DIP2B: variants seen among roughly 807,000 people sequenced by gnomAD.
The protein encoded by DIP2B is disco-interacting protein 2 homolog B.
In DIP2B, 76 loss-of-function variants were observed where a neutral mutation model predicts 198.0. That is an observed-to-expected ratio of 0.38 (90% confidence interval 0.32 to 0.46). The LOEUF is 0.46. DIP2B is among the 20% of genes least tolerant of loss of function. DIP2B has a pLI of 0.99. For missense variants in DIP2B, 1,559 were observed against 1,978.4 expected, an observed-to-expected ratio of 0.79 and a Z score of 4.02; for synonymous variants, 701 against 739.1, an observed-to-expected ratio of 0.95 and a Z score of 0.84.
At chr12:50,737,876 C>A (rs1370153597) in intron 35 of DIP2B, among the ~76,000 whole-genome samples, 1 of 152,144 alleles carries the variant, frequency 6.6e-6, no homozygotes, top group Non-Finnish European at 1.5e-5. Context: ...GCATGAGCCC[C>A]CATGCCCAGC....
At chr12:50,518,489 G>A (rs1565810353) in intron 1 of DIP2B, among the ~76,000 whole-genome samples, 1 of 152,222 alleles carries the variant, frequency 6.6e-6, no homozygotes, top group East Asian at 1.9e-4. Context: ...GATTACAGGC[G>A]TGAGCCACAA....
Position 50,695,893 on chromosome 12 carries a change from T to C in DIP2B, c.1859T>C (p.Met620Thr). The change falls in exon 16 of 38, where the codon ATG becomes ACG. Residue 620 changes from methionine (M) to threonine (T), a missense_variant. Physicochemically the swap from Met to Thr is moderately conservative, Grantham distance 81 (BLOSUM62 -1). Transcript: ENST00000301180. The stretch of plus-strand genomic sequence containing the variant: ...TGTCGGGACTTGCACTGGGCTATGA[T>C]GGCACATCGGGACCAAAGAGACGTG... ...VKCRDLHWAM[M>T]AHRDQRDVSL... 6.2e-7 allele frequency: 1 copy of C among 1,614,168 alleles called. No homozygotes were observed. Among genetic ancestry groups the C allele is most frequent in the Non-Finnish European group, 8.5e-7 (1 of 1,179,980 alleles).
intron 1 of DIP2B, among the ~76,000 whole-genome samples, chr12:50,532,708 G>T (rs1958229286): frequency 6.6e-6 from 1 of 152,130 alleles, no homozygotes. Context: ...GAGACAAGAG[G>T]TCTCTAGTCT....
intron 1 of DIP2B, among the ~76,000 whole-genome samples, chr12:50,533,729 C>T (rs960869970): frequency 6.6e-6 from 1 of 152,028 alleles, no homozygotes; most frequent in Non-Finnish European, 1.5e-5. Context: ...CCGCCTCAGC[C>T]TCCCAAGTGG....
chr12:50,744,994 GGAAAGGGGAATTCT>G lies in DIP2B; in HGVS notation c.*157_*170del. On this transcript the variant is annotated 3_prime_UTR_variant, in exon 38 of 38. Transcript: ENST00000301180. Reference sequence around the variant, plus strand: ...TGGGATTCTGCAATCATAAAACACAGGAAAGGGGAATTCTGTGATGGCAAATGAAAAAAATGTTA... The same window carrying G: ...TGGGATTCTGCAATCATAAAACACAGGTGATGGCAAATGAAAAAAATGTTA... 1 of 950,550 alleles carries G rather than the reference GGAAAGGGGAATTCT, an allele frequency of 1.1e-6. No individual in the cohort carries two copies. Among genetic ancestry groups the G allele is most frequent in the South Asian group, 1.8e-5 (1 of 56,228 alleles). 58.9% of individuals were successfully genotyped at this position (950,550 alleles called of 1,614,324 possible).
chr12:50,739,382 G>C (rs762521539), intron 35 of DIP2B, 27 bp from the exon 36 acceptor site: 1 of 1,596,084 alleles, frequency 6.3e-7, no homozygotes, highest in Non-Finnish European at 8.6e-7. Flanking sequence ...TCCCCAGTGA[G>C]TTGTGATCAA....
intron 3 of DIP2B, among the ~76,000 whole-genome samples, chr12:50,643,346 A>G (rs895200150): frequency 2.0e-5 from 3 of 148,790 alleles, no homozygotes; most frequent in African/African-American, 7.4e-5. Context: ...ATTGTTGGTT[A>G]GGTGCAGGTA....
At position 50,739,891 on chromosome 12, in the gene DIP2B, G is replaced by A. The variant is rs115126939; in HGVS notation, c.4354+305G>A. On this transcript the variant is annotated intron_variant, in intron 36 of 37. Coordinates refer to ENST00000301180, the MANE Select transcript of DIP2B (RefSeq NM_173602.3). ...GTCCCTGCAGGGCTGATTCACATCC[G>A]GGACAAGCATTACATCTTATAGCTC... 6.6e-3 allele frequency among the ~76,000 whole-genome samples: 1,005 copies of A among 152,308 alleles called. 11 individuals are homozygous for A. The highest frequency in any genetic ancestry group is 0.022 in the African/African-American group (924 of 41,570).
chr12:50,574,358 T>C (rs1164211932), intron 1 of DIP2B, among the ~76,000 whole-genome samples: 1 of 152,202 alleles, frequency 6.6e-6, no homozygotes, highest in Admixed American at 6.5e-5. Context: ...AGGGCCATAA[T>C]ATTGCTTTTA....
At position 50,695,948 on chromosome 12, in the gene DIP2B, G is replaced by A. The variant is rs750961015; in HGVS notation, c.1914G>A (p.Val638=). Residue 638 remains valine (V), a synonymous_variant, in exon 16 of 38, where the codon GTG becomes GTA. Transcript: ENST00000301180. The part of the protein sequence containing the change: ...VSLSSLRMLI[V]TDGANPWSVS... Reference sequence around the variant, plus strand: ...TGAGTTCCCTCCGAATGTTAATTGTGACTGATGGAGCTAACCCCTGTGAGT... The same window carrying A: ...TGAGTTCCCTCCGAATGTTAATTGTAACTGATGGAGCTAACCCCTGTGAGT... 3.1e-6 allele frequency: 5 copies of A among 1,614,084 alleles called. No individual in the cohort carries two copies. In the South Asian group the frequency reaches 5.5e-5, roughly 18 times the overall value.
intron 10 of DIP2B, 37 bp downstream of exon 10, chr12:50,683,285 G>A (rs775392715): frequency 3.3e-6 from 5 of 1,537,322 alleles, no homozygotes; most frequent in Admixed American, 3.6e-5. Context: ...GTAGCCTGAT[G>A]TGACATGGCA....
chr12:50,608,913 G>A (rs1389420066), intron 1 of DIP2B, among the ~76,000 whole-genome samples: 3 of 151,982 alleles, frequency 2.0e-5, no homozygotes, highest in Non-Finnish European at 2.9e-5. Flanking sequence ...AGGCTGAGAC[G>A]GGTGGATCAC....
intron 1 of DIP2B, among the ~76,000 whole-genome samples, chr12:50,565,891 T>A (rs1476105464): frequency 6.6e-6 from 1 of 152,162 alleles, no homozygotes; most frequent in Non-Finnish European, 1.5e-5. Flanking sequence ...TAGTTCACAG[T>A]TTTTGTGTGT....
chr12:50,737,061 T>C lies in DIP2B; in HGVS notation c.4127T>C (p.Ile1376Thr). The C allele has an allele frequency of 6.2e-7, 1 of 1,614,108 alleles. No homozygotes were observed. ...GKILPGVKVV[I>T]VNPETKGPVG... is the part of the protein sequence containing the mutation. ...ATTTTACCTGGAGTGAAAGTGGTTA[T>C]TGTTAATCCTGAGACCAAAGGGCCG... Residue 1376 changes from isoleucine to threonine, a missense_variant, in exon 35 of 38, where the codon ATT becomes ACT. By Grantham distance (89) the Ile-to-Thr change is moderately conservative. Coordinates refer to ENST00000301180, the MANE Select transcript of DIP2B (RefSeq NM_173602.3).
chr12:50,703,875 GAA>G (rs200389059), intron 19 of DIP2B, among the ~76,000 whole-genome samples: 2 of 128,738 alleles, frequency 1.6e-5, no homozygotes, highest in African/African-American at 2.9e-5. Flanking sequence ...ATATCTGTTT[GAA>G]AAAAAAAAAA....
At chr12:50,558,660 T>C (rs1385622031) in intron 1 of DIP2B, among the ~76,000 whole-genome samples, 1 of 152,156 alleles carries the variant, frequency 6.6e-6, no homozygotes, top group East Asian at 1.9e-4. Context: ...CCTCATTAAA[T>C]GACAGTAAGA....
chr12:50,535,372 T>A (rs1379408677), intron 1 of DIP2B, among the ~76,000 whole-genome samples: 1 of 151,338 alleles, frequency 6.6e-6, no homozygotes, highest in Non-Finnish European at 1.5e-5. Flanking sequence ...CAGGAAATTT[T>A]TTTTTTTTTT....
At chr12:50,583,667 C>T (rs1464584315) in intron 1 of DIP2B, among the ~76,000 whole-genome samples, 1 of 152,144 alleles carries the variant, frequency 6.6e-6, no homozygotes, top group Non-Finnish European at 1.5e-5. Flanking sequence ...ACTTACAGTT[C>T]ATGATATTTT....
chr12:50,548,683 G>A (rs964263287), intron 1 of DIP2B, among the ~76,000 whole-genome samples: 45 of 152,078 alleles, frequency 3.0e-4, no homozygotes, highest in African/African-American at 1.0e-3. Context: ...CTGCCATTGC[G>A]ACTGGCTAAT....
Sources: gnomAD v4.1 joint callset for allele counts (sites outside exome capture counted in the v4.1 genomes callset) on GRCh38, gnomAD v4.1.1 for gene constraint, MANE v1.5 for transcripts, NCBI Gene and HGNC (gene_info 2026-07-23, HGNC 2026-07-21) for gene names.